GRM1: variants seen among roughly 807,000 people sequenced by gnomAD.
GRM1 encodes glutamate metabotropic receptor 1.
A neutral mutation model predicts 90.9 loss-of-function variants in GRM1; 33 were observed. The observed-to-expected ratio is 0.36, with a 90% CI of 0.28 to 0.49. GRM1 has a LOEUF of 0.49. Ranked by LOEUF, GRM1 falls within the 20% of genes least tolerant of loss-of-function variation. GRM1 has a pLI of 0.99. For missense variants in GRM1, 1,190 were observed against 1,534.3 expected, an observed-to-expected ratio of 0.78 and a Z score of 3.75; for synonymous variants, 700 against 613.2, an observed-to-expected ratio of 1.14 and a Z score of -2.09.
chr6:146,049,417 C>G (rs1562428691), intron 1 of GRM1, among the ~76,000 whole-genome samples: 1 of 151,956 alleles, frequency 6.6e-6, no homozygotes, highest in Non-Finnish European at 1.5e-5. Flanking sequence ...CGTCAGTACT[C>G]CAGGATTTAC....
chr6:146,207,341 G>A (rs1194807238), intron 2 of GRM1, among the ~76,000 whole-genome samples: 1 of 152,112 alleles, frequency 6.6e-6, no homozygotes, highest in African/African-American at 2.4e-5. Flanking sequence ...TTAATGGTCA[G>A]TAATATAGAG....
chr6:146,256,368 A>T (rs1375563405), intron 2 of GRM1, among the ~76,000 whole-genome samples: 6 of 152,136 alleles, frequency 3.9e-5, no homozygotes, highest in African/African-American at 1.2e-4. Context: ...TTTCAAATTC[A>T]TGAAGAGTGA....
chr6:146,236,153 G>C lies in GRM1; in HGVS notation c.951-68458G>C, dbSNP rs370395925. On this transcript the variant is annotated intron_variant, in intron 2 of 7. Coordinates refer to ENST00000282753, the MANE Select transcript of GRM1 (RefSeq NM_001278064.2). ...CCTCTGTAATAGAAATATAATACAT[G>C]GTAGATACATGATTTTAAGTTTTTA... Among the ~76,000 whole-genome samples, 7 of 151,946 alleles carry C rather than the reference G, an allele frequency of 4.6e-5. No individual in the cohort carries two copies. In the East Asian group the frequency reaches 7.7e-4, roughly 17 times the overall value.
At chr6:146,109,937 C>T (rs1775491989) in intron 1 of GRM1, among the ~76,000 whole-genome samples, 1 of 152,144 alleles carries the variant, frequency 6.6e-6, no homozygotes, top group Non-Finnish European at 1.5e-5. Context: ...GCCAATTTCT[C>T]CTATTTGGAA....
chr6:146,332,590 G>C (rs1274409150), intron 3 of GRM1, among the ~76,000 whole-genome samples: 1 of 152,066 alleles, frequency 6.6e-6, no homozygotes, highest in African/African-American at 2.4e-5. Context: ...TGGCCCATAT[G>C]GTTTGGAATT....
intron 1 of GRM1, among the ~76,000 whole-genome samples, chr6:146,081,833 G>A (rs1487348548): frequency 6.6e-6 from 1 of 151,960 alleles, no homozygotes; most frequent in Admixed American, 6.6e-5. Context: ...TGAAATAATA[G>A]AATTTAATAA....
intron 2 of GRM1, among the ~76,000 whole-genome samples, chr6:146,263,597 C>T (rs182910220): frequency 2.6e-5 from 4 of 152,002 alleles, no homozygotes; most frequent in African/African-American, 9.7e-5. Context: ...ATCTCGTACA[C>T]AAGCATACAT....
intron 2 of GRM1, among the ~76,000 whole-genome samples, chr6:146,170,358 C>T (rs1379903114): frequency 1.3e-5 from 2 of 151,972 alleles, no homozygotes; most frequent in African/African-American, 4.8e-5. Flanking sequence ...TTTTCTTCTC[C>T]TTTATCTTTC....
intron 1 of GRM1, among the ~76,000 whole-genome samples, chr6:146,121,130 A>G (rs1211984867): frequency 6.6e-6 from 1 of 152,158 alleles, no homozygotes; most frequent in Non-Finnish European, 1.5e-5. Context: ...TTATTGGTCT[A>G]TTCAGAGGTT....
At chr6:146,380,990 C>T (rs777138854) in intron 5 of GRM1, among the ~76,000 whole-genome samples, 22 of 152,160 alleles carry the variant, frequency 1.4e-4, no homozygotes, top group Non-Finnish European at 2.8e-4. Flanking sequence ...AGCTGGTATC[C>T]TAGATGCAAG....
intron 7 of GRM1, among the ~76,000 whole-genome samples, chr6:146,404,513 G>C (rs921017093): frequency 6.6e-6 from 1 of 152,102 alleles, no homozygotes; most frequent in Non-Finnish European, 1.5e-5. Flanking sequence ...TAGAAGGATT[G>C]GAAAGATCTT....
Position 146,387,054 on chromosome 6 carries a change from A to C in GRM1, c.1729+38A>C, listed in dbSNP as rs749142396. On this transcript the variant is annotated intron_variant, in intron 6 of 7. Transcript: ENST00000282753. ...TCACTTGGAAACCTTGTGCCTCACT[A>C]TTTGCCTTTCCAATGTGTCCATCCC... The C allele has an allele frequency of 4.4e-6, 7 of 1,605,214 alleles. No individual in the cohort carries two copies. In the East Asian group the frequency reaches 1.3e-4, roughly 31 times the overall value.
intron 7 of GRM1, among the ~76,000 whole-genome samples, chr6:146,423,928 G>T (rs1562691062): frequency 6.6e-6 from 1 of 152,142 alleles, no homozygotes; most frequent in Non-Finnish European, 1.5e-5. Context: ...ATGGTGTTTT[G>T]TATTTTTCAT....
chr6:146,388,764 C>G (rs1365650588), intron 6 of GRM1, among the ~76,000 whole-genome samples: 2 of 152,128 alleles, frequency 1.3e-5, no homozygotes, highest in African/African-American at 4.8e-5. Flanking sequence ...CAATTACTCT[C>G]TGTCCCACCC....
intron 1 of GRM1, among the ~76,000 whole-genome samples, chr6:146,097,261 A>T (rs1370732356): frequency 6.6e-6 from 1 of 152,090 alleles, no homozygotes. Flanking sequence ...AACTCTTTGT[A>T]TCTGCATTTT....
chr6:146,194,471 A>G (rs999110087), intron 2 of GRM1, among the ~76,000 whole-genome samples: 1 of 152,222 alleles, frequency 6.6e-6, no homozygotes, highest in Admixed American at 6.5e-5. Context: ...ATGAGCCAAC[A>G]TCAGGGGCAA....
Position 146,030,114 on chromosome 6 carries a change from A to G in GRM1, c.597A>G (p.Lys199=). Residue 199 remains lysine, a synonymous_variant, in exon 1 of 8, where the codon AAA becomes AAG. Transcript: ENST00000282753. ...SIDLSDKTLY[K]YFLRVVPSDT... ...ACCTGAGTGACAAAACTTTGTACAA[A>G]TACTTCCTGAGGGTTGTCCCTTCTG... The G allele has an allele frequency of 6.2e-7, 1 of 1,614,130 alleles. No homozygotes were observed. Among genetic ancestry groups the G allele is most frequent in the Non-Finnish European group, 8.5e-7 (1 of 1,180,002 alleles).
intron 3 of GRM1, among the ~76,000 whole-genome samples, chr6:146,308,000 A>G (rs1783639827): frequency 6.6e-6 from 1 of 152,236 alleles, no homozygotes; most frequent in Non-Finnish European, 1.5e-5. Context: ...TGAAACATCA[A>G]AACATAACTT....
intron 2 of GRM1, among the ~76,000 whole-genome samples, chr6:146,253,642 G>A (rs1781378071): frequency 6.6e-6 from 1 of 152,110 alleles, no homozygotes; most frequent in Non-Finnish European, 1.5e-5. Flanking sequence ...ACCCTAAGCT[G>A]TATTTTTTTC....
Sources: gnomAD v4.1 joint callset for allele counts (sites outside exome capture counted in the v4.1 genomes callset) on GRCh38, gnomAD v4.1.1 for gene constraint, MANE v1.5 for transcripts, NCBI Gene and HGNC (gene_info 2026-07-23, HGNC 2026-07-21) for gene names.